The following MYOM3 variants were observed in gnomAD, a reference collection of about 807,000 sequenced individuals.
MYOM3 encodes the protein myomesin 3, also known as myomesin-3.
A neutral mutation model predicts 191.7 loss-of-function variants in MYOM3; 155 were observed. The observed-to-expected ratio is 0.81, with a 90% CI of 0.71 to 0.92. MYOM3 has a LOEUF of 0.92. Among genes scored for constraint, MYOM3 ranks in the 40% least tolerant of loss-of-function variants. The pLI, the probability that MYOM3 is intolerant of heterozygous loss-of-function variation, is 0.00. For missense variants in MYOM3, 1,889 were observed against 1,890.6 expected, an observed-to-expected ratio of 1.00 and a Z score of 0.02; for synonymous variants, 757 against 762.9, an observed-to-expected ratio of 0.99 and a Z score of 0.13.
rs1177063867 is a variant in MYOM3 at position 24,090,792 on chromosome 1, C to G, written c.1432+5G>C. 1 of 1,613,934 alleles carries G rather than the reference C, an allele frequency of 6.2e-7. No individual in the cohort carries two copies. The highest frequency in any genetic ancestry group is 1.7e-5 in the Admixed American group (1 of 60,014). The stretch of plus-strand genomic sequence containing the variant: ...TAGAAAGTCGCTTAGGACCTCTGTA[C>G]CCACCTGTCTTCCTCCGGGCTGCAT... On this transcript the variant is annotated splice_donor_5th_base_variant and intron_variant, in intron 12 of 36. Coordinates refer to ENST00000374434, the MANE Select transcript of MYOM3 (RefSeq NM_152372.4).
chr1:24,074,018 A>G, intron 23 of MYOM3, 142 bp downstream of exon 23: 1 of 626,976 alleles, frequency 1.6e-6, no homozygotes, highest in Admixed American at 2.9e-5. Context: ...CTATTGATGG[A>G]AAGAATGGGT....
chr1:24,073,849 C>G (rs1030372915), intron 23 of MYOM3, among the ~76,000 whole-genome samples: 1 of 117,596 alleles, frequency 8.5e-6, no homozygotes, highest in Middle Eastern at 6.9e-3. Flanking sequence ...GGCGACAGAG[C>G]GAGACTCCGT....
intron 24 of MYOM3, 115 bp from the exon 25 acceptor site, chr1:24,071,368 C>CT: frequency 1.6e-6 from 2 of 1,247,606 alleles, no homozygotes; most frequent in Non-Finnish European, 2.2e-6. Flanking sequence ...CTTTAGAGAA[C>CT]CTGAAGGAGA....
In MYOM3 at chr1:24,111,512, C is replaced by G. The variant is rs536127863; in HGVS notation, c.-19+519G>C. Among the ~76,000 whole-genome samples the G allele has an allele frequency of 2.0e-5, 3 of 152,334 alleles. No homozygotes were observed. The East Asian group carries it at 5.8e-4, about 29-fold the overall frequency. On this transcript the variant is annotated intron_variant, in intron 1 of 36. Coordinates refer to ENST00000374434, the MANE Select transcript of MYOM3 (RefSeq NM_152372.4). The surrounding 1 kb of genome is among the most constrained non-coding windows in gnomAD (Gnocchi z 4.7). Reference sequence around the variant, plus strand: ...TGCCCTTGCCAGTCATGAGCTGAGGCAACTCCTTTCCCGTCTGGGCCTCGG... The same window carrying G: ...TGCCCTTGCCAGTCATGAGCTGAGGGAACTCCTTTCCCGTCTGGGCCTCGG...
chr1:24,070,976 C>T, intron 25 of MYOM3, 141 bp downstream of exon 25: 1 of 1,091,822 alleles, frequency 9.2e-7, no homozygotes, highest in Non-Finnish European at 1.3e-6. Flanking sequence ...ATCCCGTCCT[C>T]ATCACTGCAA....
chr1:24,071,242 T>A lies in MYOM3; in HGVS notation c.3025A>T (p.Ile1009Phe). ...HEIRNPVIKLISGWNIDILER... is the reference protein window; with the variant it reads ...HEIRNPVIKLFSGWNIDILER... ...AGGATGTCAATGTTCCAGCCGGAGA[T>A]CAGTTTGATCACTGGGAGGCGCAGG... Residue 1009 changes from isoleucine to phenylalanine, a missense_variant, in exon 25 of 37, where the codon ATC becomes TTC. By Grantham distance (21) the Ile-to-Phe change is conservative. Coordinates refer to ENST00000374434, the MANE Select transcript of MYOM3 (RefSeq NM_152372.4). 2 of 1,613,008 alleles carry A rather than the reference T, an allele frequency of 1.2e-6. No individual in the cohort carries two copies. Among genetic ancestry groups the A allele is most frequent in the Non-Finnish European group, 1.7e-6 (2 of 1,179,544 alleles).
Position 24,090,609 on chromosome 1 carries a change from C to G in MYOM3, c.1432+188G>C, listed in dbSNP as rs559019031. Among the ~76,000 whole-genome samples the G allele has an allele frequency of 2.0e-5, 3 of 152,124 alleles. No homozygotes were observed. The East Asian group carries it at 5.8e-4, about 29-fold the overall frequency. ...TCCTAAGGACCGGATTGTGTCTCCTCCATCAGACTGGAAGTTCTCGAGGGC... is the reference window on the plus strand; with the variant it reads ...TCCTAAGGACCGGATTGTGTCTCCTGCATCAGACTGGAAGTTCTCGAGGGC... On this transcript the variant is annotated intron_variant, in intron 12 of 36. Coordinates refer to ENST00000374434, the MANE Select transcript of MYOM3 (RefSeq NM_152372.4).
chr1:24,076,116 C>T (rs762781595), intron 21 of MYOM3, 43 bp downstream of exon 21: 38 of 1,490,642 alleles, frequency 2.5e-5, no homozygotes, highest in Non-Finnish European at 3.1e-5. Context: ...TCCCCAGTGG[C>T]GTAGCCCAGT....
chr1:24,091,715 C>T (rs916372024), intron 11 of MYOM3, among the ~76,000 whole-genome samples: 5 of 152,326 alleles, frequency 3.3e-5, no homozygotes, highest in South Asian at 4.1e-4. Flanking sequence ...TGAGCCTGTC[C>T]GTGGCAGCAT....
At chr1:24,080,385 C>A (rs1387725962) in intron 19 of MYOM3, among the ~76,000 whole-genome samples, 191 bp from the exon 20 acceptor site, 3 of 152,198 alleles carry the variant, frequency 2.0e-5, no homozygotes, top group Admixed American at 6.5e-5. Flanking sequence ...TGGCTCTGGG[C>A]CTGAAACCAC....
At chr1:24,089,074 C>T (rs923229770) in intron 14 of MYOM3, among the ~76,000 whole-genome samples, 7 of 152,206 alleles carry the variant, frequency 4.6e-5, no homozygotes, top group African/African-American at 1.7e-4. Flanking sequence ...CCTGCCCCCA[C>T]TCCCCAGTGA....
chr1:24,059,084 T>C, intron 35 of MYOM3, 105 bp from the exon 36 acceptor site: 1 of 758,480 alleles, frequency 1.3e-6, no homozygotes, highest in Non-Finnish European at 2.2e-6. Flanking sequence ...TTCTTTTTTT[T>C]CCTTTTTCTA....
At chr1:24,066,262 A>T in intron 28 of MYOM3, 1 of 716,394 alleles carries the variant, frequency 1.4e-6, no homozygotes, top group African/African-American at 1.7e-5. Context: ...GAAGCATCCC[A>T]TAGTCACCCC....
intron 23 of MYOM3, 87 bp from the exon 24 acceptor site, chr1:24,072,100 C>G (rs1643538876): frequency 3.6e-6 from 5 of 1,372,728 alleles, no homozygotes; most frequent in Non-Finnish European, 5.2e-6. Flanking sequence ...GTCCTAGGAT[C>G]CTGTGCTGGG....
intron 5 of MYOM3, among the ~76,000 whole-genome samples, chr1:24,102,691 GAA>G: frequency 6.6e-6 from 1 of 152,152 alleles, no homozygotes. Context: ...CAAAAAAATT[GAA>G]AAGTTAGCCA....
chr1:24,066,909 G>T, intron 28 of MYOM3, 112 bp downstream of exon 28: 1 of 1,001,190 alleles, frequency 1.0e-6, no homozygotes, highest in Non-Finnish European at 1.5e-6. Flanking sequence ...GATCAGCCAA[G>T]CACAGAGTAT....
chr1:24,108,244 G>A, intron 2 of MYOM3, 171 bp from the exon 3 acceptor site: 1 of 748,488 alleles, frequency 1.3e-6, no homozygotes. Flanking sequence ...GACCCTGAAT[G>A]TGCTTCCCTC....
At chr1:24,074,056 T>C (rs1485029451) in intron 23 of MYOM3, 104 bp downstream of exon 23, 1 of 815,938 alleles carries the variant, frequency 1.2e-6, no homozygotes, top group South Asian at 1.6e-5. Flanking sequence ...TCTGTGGAAA[T>C]TGCCACTTTA....
intron 35 of MYOM3, among the ~76,000 whole-genome samples, chr1:24,060,377 C>T (rs865953100): frequency 3.3e-5 from 5 of 152,224 alleles, no homozygotes; most frequent in South Asian, 2.1e-4. Context: ...CCACGCAGAG[C>T]GAATTATCCC....
Sources: allele counts gnomAD v4.1 joint callset (sites outside exome capture counted in the v4.1 genomes callset), GRCh38; gene constraint gnomAD v4.1.1; non-coding constraint Gnocchi (gnomAD v3.1); transcripts MANE v1.5; gene names NCBI Gene and HGNC (gene_info 2026-07-23, HGNC 2026-07-21).